TAF5L: variants seen among roughly 807,000 people sequenced by gnomAD.
TAF5L encodes TAF5-like RNA polymerase II p300/CBP-associated factor-associated factor 65 kDa subunit 5L.
TAF5L carries 7 observed loss-of-function variants against 51.3 expected under a neutral mutation model. The observed-to-expected ratio is 0.14, with a 90% CI of 0.08 to 0.26. TAF5L has a LOEUF of 0.26. TAF5L is among the 10% of genes least tolerant of loss of function. The pLI, the probability that TAF5L is intolerant of heterozygous loss-of-function variation, is 1.00. For synonymous variants in TAF5L, 291 were observed against 308.1 expected, an observed-to-expected ratio of 0.94 and a Z score of 0.58; for missense variants, 575 against 758.9, an observed-to-expected ratio of 0.76 and a Z score of 2.85.
chr1:229,608,184 G>A (rs750910162), intron 3 of TAF5L, among the ~76,000 whole-genome samples: 5 of 152,086 alleles, frequency 3.3e-5, no homozygotes, highest in Admixed American at 6.6e-5. Flanking sequence ...GTATTTTAAA[G>A]CAAAGAATCT....
chr1:229,605,031 G>A (rs989504884), intron 3 of TAF5L, among the ~76,000 whole-genome samples: 1 of 152,012 alleles, frequency 6.6e-6, no homozygotes, highest in African/African-American at 2.4e-5. Flanking sequence ...TCTGCCTCCT[G>A]GGTTCAAGTG....
intron 4 of TAF5L, among the ~76,000 whole-genome samples, chr1:229,598,438 CCTT>C (rs1359057181): frequency 6.6e-6 from 1 of 152,018 alleles, no homozygotes; most frequent in African/African-American, 2.4e-5. Flanking sequence ...GCTAATATTG[CCTT>C]CTTTACTTTT....
chr1:229,620,807 T>G (rs919173399), intron 1 of TAF5L, among the ~76,000 whole-genome samples: 1 of 152,220 alleles, frequency 6.6e-6, no homozygotes, highest in Admixed American at 6.5e-5. Context: ...CTTTCACAAA[T>G]GCTCTATTTG....
exon 5 of TAF5L, chr1:229,593,588 A>C (rs773359204): frequency 2.0e-5 from 3 of 152,072 alleles, no homozygotes; most frequent in Non-Finnish European, 4.4e-5. Flanking sequence ...CTGTCACCCG[A>C]AATTTCCCTT....
intron 1 of TAF5L, among the ~76,000 whole-genome samples, chr1:229,624,384 A>G (rs1571859400): frequency 6.6e-6 from 1 of 152,222 alleles, no homozygotes; most frequent in East Asian, 1.9e-4. Flanking sequence ...CGATTCATTA[A>G]AAAATTAGCA....
chr1:229,606,235 G>A (rs1664591964), intron 3 of TAF5L: 1 of 954,544 alleles, frequency 1.0e-6, no homozygotes, highest in Non-Finnish European at 1.2e-6. Context: ...GGAAGAAGGT[G>A]AGATTCAGAA....
Position 229,602,503 on chromosome 1 carries a change from C to T in TAF5L, c.664G>A (p.Gly222Ser), listed in dbSNP as rs112995640. The stretch of plus-strand genomic sequence containing the variant: ...CTGGGCATGTCGGGGGGCTCCAAAC[C>T]GTTGTTCTCACTGCGGGAGGAGCTG... The change falls in exon 4 of 5, where the codon GGT becomes AGT. Residue 222 changes from glycine (G) to serine (S), a missense_variant. Around this residue, in one of 3 missense-constraint regions of TAF5L, gnomAD observed 380 missense variants for 443.7 expected, o/e 0.86. Coordinates refer to ENST00000258281, the Ensembl canonical transcript of TAF5L. The surrounding 1 kb of genome is among the most constrained non-coding windows in gnomAD (Gnocchi z 4.6). 3.0e-5 allele frequency: 49 copies of T among 1,614,122 alleles called. No individual in the cohort carries two copies. The highest frequency in any genetic ancestry group is 1.6e-4 in the Middle Eastern group (1 of 6,062).
chr1:229,607,548 T>G (rs531349561), intron 3 of TAF5L: 1 of 937,720 alleles, frequency 1.1e-6, no homozygotes, highest in East Asian at 1.2e-4. Context: ...ATCCTTCAAG[T>G]GCTGACTTAA....
chr1:229,600,469 C>T, intron 4 of TAF5L: 4 of 985,422 alleles, frequency 4.1e-6, no homozygotes, highest in Non-Finnish European at 4.8e-6. Context: ...CTGTTTAAGC[C>T]TGAAACACAA....
intron 4 of TAF5L, chr1:229,601,149 C>T (rs1327862479): frequency 6.1e-6 from 6 of 985,098 alleles, no homozygotes; most frequent in African/African-American, 1.7e-5. Context: ...TATACTGTCT[C>T]GGTTGCAAGA....
chr1:229,600,553 A>G (rs1011971967), intron 4 of TAF5L: 1 of 985,330 alleles, frequency 1.0e-6, no homozygotes, highest in African/African-American at 1.7e-5. Context: ...TAGTCCATCC[A>G]TGTCTCCTTT....
chr1:229,614,305 CCAGGCTCA>C (rs1289398364), intron 2 of TAF5L, 28 bp downstream of exon 2: 1 of 1,614,086 alleles, frequency 6.2e-7, no homozygotes, highest in African/African-American at 1.3e-5. Context: ...TTCTCCTGCT[CCAGGCTCA>C]CCCCACCAGA....
chr1:229,616,372 A>ATT (rs59814285), intron 1 of TAF5L, among the ~76,000 whole-genome samples: 41,751 of 150,316 alleles, frequency 0.28, 6,015 homozygotes, highest in South Asian at 0.41. Flanking sequence ...TTATTTATTT[A>ATT]TATTTTTTTT....
chr1:229,624,193 C>T (rs1232362631), intron 1 of TAF5L, among the ~76,000 whole-genome samples: 1 of 152,184 alleles, frequency 6.6e-6, no homozygotes, highest in African/African-American at 2.4e-5. Flanking sequence ...TTAAGTGAGG[C>T]CTTTACCTAG....
chr1:229,596,186 C>T (rs1439249872), intron 4 of TAF5L, among the ~76,000 whole-genome samples: 3 of 152,104 alleles, frequency 2.0e-5, no homozygotes, highest in Non-Finnish European at 4.4e-5. Context: ...AGGTAGGAGG[C>T]TCACTTGAGC....
At chr1:229,606,571 C>T in intron 3 of TAF5L, 1 of 985,420 alleles carries the variant, frequency 1.0e-6, no homozygotes, top group Non-Finnish European at 1.2e-6. Flanking sequence ...GCTCTATTGA[C>T]TAGCACTCCT....
chr1:229,595,603 T>G (rs1664092289), intron 4 of TAF5L, among the ~76,000 whole-genome samples: 1 of 152,220 alleles, frequency 6.6e-6, no homozygotes, highest in South Asian at 2.1e-4. Flanking sequence ...GACATGTTCC[T>G]TACTCCCATG....
At chr1:229,605,109 T>TAC (rs58576845) in intron 3 of TAF5L, among the ~76,000 whole-genome samples, 53,621 of 139,620 alleles carry the variant, frequency 0.38, 10,286 homozygotes, top group South Asian at 0.49. Flanking sequence ...TTTTTGTATG[T>TAC]ATATATATAT....
intron 3 of TAF5L, among the ~76,000 whole-genome samples, chr1:229,608,223 A>C: frequency 6.6e-6 from 1 of 152,198 alleles, no homozygotes; most frequent in East Asian, 1.9e-4. Context: ...AGTTGGAGAA[A>C]ATGGTCAAAA....
Sources: gnomAD v4.1 joint callset for allele counts (sites outside exome capture counted in the v4.1 genomes callset) on GRCh38, gnomAD v4.1.1 for gene constraint, gnomAD v4.1.1 regional missense constraint, Gnocchi (gnomAD v3.1) non-coding constraint, MANE v1.5 for transcripts, NCBI Gene and HGNC (gene_info 2026-07-23, HGNC 2026-07-21) for gene names.